CCSER1: variants seen among roughly 807,000 people sequenced by gnomAD.
The protein encoded by CCSER1 is coiled-coil serine rich protein 1.
A neutral mutation model predicts 82.0 loss-of-function variants in CCSER1; 41 were observed. The observed-to-expected ratio is 0.50, with a 90% CI of 0.39 to 0.65. The LOEUF is 0.65. CCSER1 is among the 30% of genes least tolerant of loss of function. The pLI is 0.00. For synonymous variants in CCSER1, 414 were observed against 383.9 expected (o/e 1.08, Z -0.92); for missense variants, 1,119 against 1,064.2 (o/e 1.05, Z -0.72).
chr4:90,775,906 GCCA>G (rs1752828661), intron 7 of CCSER1, among the ~76,000 whole-genome samples: 1 of 151,466 alleles, frequency 6.6e-6, no homozygotes, highest in Non-Finnish European at 1.5e-5. Context: ...CTATCTAGTT[GCCA>G]TGTGTGTGAA....
chr4:90,581,942 G>A (rs1226120344), intron 5 of CCSER1, among the ~76,000 whole-genome samples: 2 of 151,714 alleles, frequency 1.3e-5, no homozygotes, highest in African/African-American at 4.8e-5. Context: ...TACTTTGATA[G>A]GACCAAGCAG....
intron 5 of CCSER1, among the ~76,000 whole-genome samples, chr4:90,623,095 T>G (rs2148888674): frequency 6.8e-6 from 1 of 146,988 alleles, no homozygotes; most frequent in East Asian, 2.1e-4. Context: ...TGGCGCAATC[T>G]CGGCTTACTG....
intron 6 of CCSER1, among the ~76,000 whole-genome samples, chr4:90,699,153 G>A (rs774240249): frequency 1.3e-5 from 2 of 152,076 alleles, no homozygotes; most frequent in Non-Finnish European, 2.9e-5. Flanking sequence ...GGGCAGCTTA[G>A]ACTTCAATGC....
chr4:91,192,627 C>T (rs1320164012), intron 10 of CCSER1, among the ~76,000 whole-genome samples: 1 of 152,022 alleles, frequency 6.6e-6, no homozygotes, highest in East Asian at 1.9e-4. Flanking sequence ...CTCTTTGCCC[C>T]TCTCCTTGGA....
At chr4:91,100,790 T>G (rs2148849619) in intron 10 of CCSER1, among the ~76,000 whole-genome samples, 1 of 152,324 alleles carries the variant, frequency 6.6e-6, no homozygotes, top group East Asian at 1.9e-4. Context: ...CTCTTCTATG[T>G]TTGTAGATCA....
At chr4:90,138,788 G>A (rs539427710) in intron 1 of CCSER1, among the ~76,000 whole-genome samples, 118 of 151,960 alleles carry the variant, frequency 7.8e-4, no homozygotes, top group South Asian at 2.7e-3. Context: ...GTGCCATGTT[G>A]GTGTGCTGCA....
intron 10 of CCSER1, among the ~76,000 whole-genome samples, chr4:91,349,732 C>T (rs897256051): frequency 3.3e-5 from 5 of 150,230 alleles, no homozygotes; most frequent in Non-Finnish European, 5.9e-5. Flanking sequence ...CTCAGGTTTT[C>T]ACTGAGAGAA....
At chr4:90,748,660 A>C (rs1257739229) in intron 7 of CCSER1, among the ~76,000 whole-genome samples, 36 of 146,442 alleles carry the variant, frequency 2.5e-4, no homozygotes, top group South Asian at 9.1e-4. Context: ...CCAACAGTGT[A>C]AAAGTGTTCC....
intron 3 of CCSER1, among the ~76,000 whole-genome samples, chr4:90,384,252 T>C (rs1179511600): frequency 6.6e-6 from 1 of 151,240 alleles, no homozygotes; most frequent in Admixed American, 6.6e-5. Context: ...TAACTCGTCA[T>C]TTACATTAGG....
At chr4:90,687,245 A>T (rs1334009970) in intron 6 of CCSER1, among the ~76,000 whole-genome samples, 7 of 152,088 alleles carry the variant, frequency 4.6e-5, no homozygotes, top group Non-Finnish European at 1.0e-4. Flanking sequence ...TTTTATTGCA[A>T]CTCAAAGAGA....
intron 5 of CCSER1, among the ~76,000 whole-genome samples, chr4:90,487,069 G>T (rs992219829): frequency 6.6e-6 from 1 of 152,184 alleles, no homozygotes; most frequent in East Asian, 1.9e-4. Context: ...CCACCACCAT[G>T]CCCAGCTAAT....
chr4:90,283,609 T>C (rs7688487), intron 1 of CCSER1, among the ~76,000 whole-genome samples: 1 of 152,202 alleles, frequency 6.6e-6, no homozygotes, highest in Non-Finnish European at 1.5e-5. Flanking sequence ...TTAGATCTTA[T>C]TCCTTATATC....
chr4:91,091,324 A>AG (rs1397854002), intron 10 of CCSER1, among the ~76,000 whole-genome samples: 2 of 152,144 alleles, frequency 1.3e-5, no homozygotes, highest in African/African-American at 4.8e-5. Context: ...GTCATAGCAC[A>AG]CGTCGGGCTG....
At chr4:91,003,223 G>T (rs974754956) in intron 9 of CCSER1, among the ~76,000 whole-genome samples, 1 of 152,066 alleles carries the variant, frequency 6.6e-6, no homozygotes, top group Non-Finnish European at 1.5e-5. Context: ...GTACGAGTGG[G>T]CCTCCTGCCA....
chr4:90,664,218 C>T (rs57321663), intron 6 of CCSER1, among the ~76,000 whole-genome samples: 21 of 152,002 alleles, frequency 1.4e-4, no homozygotes, highest in African/African-American at 4.3e-4. Context: ...CTATGTGCTT[C>T]GTTATTTACT....
chr4:91,025,648 T>C (rs746062086), intron 9 of CCSER1, among the ~76,000 whole-genome samples: 1 of 152,130 alleles, frequency 6.6e-6, no homozygotes, highest in Admixed American at 6.6e-5. Flanking sequence ...ACTAGAACAC[T>C]GTGCCAAGGA....
chr4:91,494,352 G>A (rs1176863986), intron 10 of CCSER1, among the ~76,000 whole-genome samples: 1 of 151,692 alleles, frequency 6.6e-6, no homozygotes, highest in Non-Finnish European at 1.5e-5. Context: ...CTCTCCATGC[G>A]ATTTCTGCTC....
At chr4:90,622,437 G>A in intron 5 of CCSER1, among the ~76,000 whole-genome samples, 1 of 152,090 alleles carries the variant, frequency 6.6e-6, no homozygotes, top group East Asian at 1.9e-4. Flanking sequence ...CCCCTCGACA[G>A]GCCCCGGTGC....
In CCSER1 at chr4:91,579,970, C is replaced by T. The variant is rs114795331; in HGVS notation, c.2218-18602C>T. ...AAGTAGCGTGATGCATTCCAAGCTT[C>T]ATGTGACACAATCATGAGGGATAAA... On this transcript the variant is annotated intron_variant, in intron 10 of 10. Transcript: ENST00000509176. 2.7e-3 allele frequency among the ~76,000 whole-genome samples: 409 copies of T among 151,952 alleles called. 1 individual carries two copies. Among genetic ancestry groups the T allele is most frequent in the African/African-American group, 9.4e-3 (390 of 41,520 alleles).
Sources: allele counts gnomAD v4.1 joint callset (sites outside exome capture counted in the v4.1 genomes callset), GRCh38; gene constraint gnomAD v4.1.1; transcripts MANE v1.5; gene names NCBI Gene and HGNC (gene_info 2026-07-23, HGNC 2026-07-21).